Variants in AFF3 observed in about 807,000 individuals in gnomAD.
AFF3 encodes the protein AF4/FMR2 family member 3.
AFF3 carries 32 observed loss-of-function variants against 129.7 expected under a neutral mutation model. The ratio of observed to expected loss-of-function variants is 0.25; its 90% CI spans 0.19 to 0.33. AFF3 has a LOEUF of 0.33. Among genes scored for constraint, AFF3 ranks in the 10% least tolerant of loss-of-function variants. The pLI is 1.00. For synonymous variants in AFF3, 644 were observed against 635.4 expected (o/e 1.01, Z -0.20); for missense variants, 1,373 against 1,592.0 (o/e 0.86, Z 2.34).
At chr2:99,756,600 T>C (rs560956146) in intron 8 of AFF3, among the ~76,000 whole-genome samples, 49 of 152,314 alleles carry the variant, frequency 3.2e-4, no homozygotes, top group African/African-American at 1.1e-3. Flanking sequence ...TGGTATTGGT[T>C]TAACATCAAT....
chr2:99,598,987 C>G (rs3792131), intron 14 of AFF3, among the ~76,000 whole-genome samples: 129,907 of 152,304 alleles, frequency 0.85, 55,518 homozygotes, highest in East Asian at 0.93. Flanking sequence ...AACGTGCAGC[C>G]TGGCTAACAC....
chr2:99,845,500 T>C (rs549139830), intron 7 of AFF3, among the ~76,000 whole-genome samples: 1 of 152,296 alleles, frequency 6.6e-6, no homozygotes, highest in South Asian at 2.1e-4. Flanking sequence ...ATTGAGTGCT[T>C]ATCCATGGGG....
At chr2:99,933,924 G>A (rs1050376760) in intron 7 of AFF3, among the ~76,000 whole-genome samples, 1 of 152,178 alleles carries the variant, frequency 6.6e-6, no homozygotes, top group Admixed American at 6.5e-5. Context: ...TTCAACTCCA[G>A]TGCCAACCCC....
chr2:99,614,190 T>C (rs1681197456), intron 13 of AFF3, among the ~76,000 whole-genome samples: 2 of 152,246 alleles, frequency 1.3e-5, no homozygotes, highest in Admixed American at 6.5e-5. Flanking sequence ...TGCACCACTG[T>C]GATATCCCAA....
At chr2:99,810,423 A>T (rs1686698025) in intron 8 of AFF3, among the ~76,000 whole-genome samples, 1 of 152,262 alleles carries the variant, frequency 6.6e-6, no homozygotes, top group Admixed American at 6.5e-5. Context: ...GAATGCCCAC[A>T]GGGCACAGAG....
At chr2:99,583,859 C>T (rs1369726470) in intron 16 of AFF3, among the ~76,000 whole-genome samples, 2 of 151,812 alleles carry the variant, frequency 1.3e-5, no homozygotes, top group Non-Finnish European at 2.9e-5. Flanking sequence ...CCTGCCACCA[C>T]ATCCAGCTAC....
intron 7 of AFF3, among the ~76,000 whole-genome samples, chr2:99,884,289 TC>T (rs1461576178): frequency 6.6e-6 from 1 of 152,214 alleles, no homozygotes; most frequent in Non-Finnish European, 1.5e-5. Flanking sequence ...ATTTAACACA[TC>T]CATCACCTCA....
chr2:99,960,743 C>T (rs991183187), intron 7 of AFF3, among the ~76,000 whole-genome samples: 3 of 152,176 alleles, frequency 2.0e-5, no homozygotes, highest in Non-Finnish European at 4.4e-5. Flanking sequence ...CTGGGGCTTG[C>T]TGCATTTGGG....
chr2:99,818,323 G>A (rs1018530751), intron 8 of AFF3, among the ~76,000 whole-genome samples: 15 of 152,256 alleles, frequency 9.9e-5, no homozygotes, highest in African/African-American at 3.6e-4. Context: ...GAGACTATTA[G>A]GTGGGTGCTA....
chr2:99,545,878 G>A lies in AFF3; in HGVS notation c.*5596C>T, dbSNP rs1394589159. On this transcript the variant is annotated 3_prime_UTR_variant, in exon 25 of 25. Coordinates refer to ENST00000672756, the MANE Select transcript of AFF3 (RefSeq NM_001386135.1). ...GGCAGATGTAATTAGTTTGAGAACG[G>A]AGTTTATAATTTTCCTCATGCCAAG... 1.0e-5 allele frequency: 2 copies of A among 192,644 alleles called. No individual in the cohort carries two copies. Among genetic ancestry groups the A allele is most frequent in the South Asian group, 1.9e-4 (1 of 5,158 alleles). 11.9% of individuals were successfully genotyped at this position (192,644 alleles called of 1,614,324 possible).
At chr2:99,729,159 A>G (rs866358953) in intron 10 of AFF3, among the ~76,000 whole-genome samples, 91 of 152,356 alleles carry the variant, frequency 6.0e-4, no homozygotes, top group African/African-American at 2.0e-3. Context: ...TGAAGAATGT[A>G]AAACAGCAGG....
At chr2:100,127,131 C>G (rs1692226157) in intron 2 of AFF3, among the ~76,000 whole-genome samples, 1 of 151,878 alleles carries the variant, frequency 6.6e-6, no homozygotes, top group Non-Finnish European at 1.5e-5. Flanking sequence ...GGAGGTAACT[C>G]TGCAATCACA....
At chr2:100,075,780 A>G (rs2105326698) in intron 4 of AFF3, among the ~76,000 whole-genome samples, 1 of 152,306 alleles carries the variant, frequency 6.6e-6, no homozygotes, top group Non-Finnish European at 1.5e-5. Flanking sequence ...GCAAACACAG[A>G]ATATTATATT....
intron 7 of AFF3, among the ~76,000 whole-genome samples, chr2:99,865,135 T>C (rs114177715): frequency 0.013 from 1,923 of 152,192 alleles, 42 homozygotes; most frequent in African/African-American, 0.044. Flanking sequence ...TAAGCAACGG[T>C]CGGGTGAGAT....
chr2:100,055,230 C>T (rs1456160807), intron 4 of AFF3, among the ~76,000 whole-genome samples: 5 of 152,070 alleles, frequency 3.3e-5, no homozygotes. Flanking sequence ...ACTATACCAA[C>T]ATCATCTTGT....
At chr2:99,910,722 A>G (rs1695046525) in intron 7 of AFF3, among the ~76,000 whole-genome samples, 1 of 152,240 alleles carries the variant, frequency 6.6e-6, no homozygotes, top group Admixed American at 6.5e-5. Flanking sequence ...AATCCTGTCT[A>G]CAGGCTACTT....
Position 99,631,073 on chromosome 2 carries a change from A to C in AFF3, c.1184+18553T>G, listed in dbSNP as rs878939012. 6 of 402,494 alleles carry C rather than the reference A, an allele frequency of 1.5e-5. 1 individual carries two copies. Among genetic ancestry groups the C allele is most frequent in the South Asian group, 1.1e-4 (6 of 53,322 alleles). 24.9% of individuals were successfully genotyped at this position (402,494 alleles called of 1,614,324 possible). ...GGGAGGCAGGCAGAGCAGAACACGG[A>C]GTGGGGCTCAGGCAGGGCCTGGCTC... On this transcript the variant is annotated intron_variant, in intron 13 of 24. Coordinates refer to ENST00000672756, the MANE Select transcript of AFF3 (RefSeq NM_001386135.1).
chr2:99,624,837 G>A (rs1682384523), intron 13 of AFF3, among the ~76,000 whole-genome samples: 1 of 152,222 alleles, frequency 6.6e-6, no homozygotes, highest in Admixed American at 6.5e-5. Context: ...TGGCAGTCTC[G>A]TGTCTGCCCT....
chr2:99,662,138 C>T (rs58947802), intron 12 of AFF3, among the ~76,000 whole-genome samples: 1 of 136,564 alleles, frequency 7.3e-6, no homozygotes, highest in East Asian at 2.1e-4. Context: ...GACTCTGTCT[C>T]AAAAAAAAAA....
Sources: gnomAD v4.1 joint callset for allele counts (sites outside exome capture counted in the v4.1 genomes callset) on GRCh38, gnomAD v4.1.1 for gene constraint, MANE v1.5 for transcripts, NCBI Gene and HGNC (gene_info 2026-07-23, HGNC 2026-07-21) for gene names.